The following ESRRB variants were observed in gnomAD, a reference collection of about 807,000 sequenced individuals.
ESRRB encodes the protein steroid hormone receptor ERR2.
ESRRB carries 16 observed loss-of-function variants against 46.0 expected under a neutral mutation model. The observed-to-expected ratio is 0.35, with a 90% CI of 0.24 to 0.53. ESRRB has a LOEUF of 0.53. ESRRB is among the 20% of genes least tolerant of loss of function. The pLI, the probability that ESRRB is intolerant of heterozygous loss-of-function variation, is 0.93. For missense variants in ESRRB, 488 were observed against 607.4 expected, an observed-to-expected ratio of 0.80 and a Z score of 2.07; for synonymous variants, 246 against 259.6, an observed-to-expected ratio of 0.95 and a Z score of 0.50.
chr14:76,398,053 CT>C (rs1345301739), intron 1 of ESRRB, among the ~76,000 whole-genome samples: 7 of 152,210 alleles, frequency 4.6e-5, no homozygotes, highest in Admixed American at 6.5e-5. Flanking sequence ...TATGTCTAGC[CT>C]TTTAAACATG....
chr14:76,485,931 T>C lies in ESRRB; in HGVS notation c.850+3172T>C, dbSNP rs561346985. 8.0e-4 allele frequency among the ~76,000 whole-genome samples: 122 copies of C among 152,298 alleles called. 1 individual carries two copies. Among genetic ancestry groups the C allele is most frequent in the African/African-American group, 2.8e-3 (116 of 41,566 alleles). On this transcript the variant is annotated intron_variant, in intron 5 of 6. Transcript: ENST00000644823. ...ACACATGAGGTCCCCTGATAGGAGT[T>C]GTGGCTGAGACAAGGAATTTATTTT...
intron 3 of ESRRB, among the ~76,000 whole-genome samples, chr14:76,478,914 C>T (rs1490384827): frequency 6.6e-6 from 1 of 152,074 alleles, no homozygotes; most frequent in African/African-American, 2.4e-5. Flanking sequence ...CAAATGTGAG[C>T]CAAAGTGCTA....
At chr14:76,429,568 T>C (rs1887346629) in intron 1 of ESRRB, among the ~76,000 whole-genome samples, 2 of 151,972 alleles carry the variant, frequency 1.3e-5, no homozygotes, top group African/African-American at 2.4e-5. Context: ...CTGACCAACA[T>C]GGAGAAACCC....
At chr14:76,484,480 C>T (rs1419544904) in intron 5 of ESRRB, among the ~76,000 whole-genome samples, 1 of 152,204 alleles carries the variant, frequency 6.6e-6, no homozygotes, top group Non-Finnish European at 1.5e-5. Context: ...AACCCAGGGC[C>T]AAATTGGGTA....
At chr14:76,469,972 G>T (rs1889314740) in intron 3 of ESRRB, among the ~76,000 whole-genome samples, 1 of 102,064 alleles carries the variant, frequency 9.8e-6, no homozygotes. Flanking sequence ...TTTTGAGACA[G>T]AGTCTTGCTC....
chr14:76,358,307 GTC>G (rs1206775342), intron 1 of ESRRB, among the ~76,000 whole-genome samples: 9 of 85,110 alleles, frequency 1.1e-4, no homozygotes, highest in South Asian at 4.2e-4. Flanking sequence ...GCAAGACTCT[GTC>G]TCAAAAAAAA....
intron 1 of ESRRB, among the ~76,000 whole-genome samples, chr14:76,335,122 G>A (rs1884110919): frequency 6.6e-6 from 1 of 152,142 alleles, no homozygotes; most frequent in African/African-American, 2.4e-5. Flanking sequence ...CTGGGTCCTG[G>A]CCCACCCTGT....
In ESRRB at chr14:76,500,219, T is replaced by A. The variant is rs1798234383; in HGVS notation, c.*1761T>A. 1.6e-6 allele frequency: 1 copy of A among 637,648 alleles called. No homozygotes were observed. Among genetic ancestry groups the A allele is most frequent in the Admixed American group, 2.9e-5 (1 of 34,510 alleles). The allele number at this position is 637,648 out of a possible 1,614,324, so 39.5% of individuals were successfully genotyped here. On this transcript the variant is annotated 3_prime_UTR_variant, in exon 7 of 7. Transcript: ENST00000644823. ...TGAAATCCACAAACTGCAGAGCAGC[T>A]CTCTGATGGTGTCCCACACAGAAAA...
Position 76,413,850 on chromosome 14 carries a change from C to A in ESRRB, c.51-25491C>A, listed in dbSNP as rs1460270392. On this transcript the variant is annotated intron_variant, in intron 1 of 6. Transcript: ENST00000644823. ...CGTCCCCCACCCCGTACCATCCTCACCCCTGCACCATCCCCACCCCTGCAC... is the reference window on the plus strand; with the variant it reads ...CGTCCCCCACCCCGTACCATCCTCAACCCTGCACCATCCCCACCCCTGCAC... Among the ~76,000 whole-genome samples, 43 of 141,120 alleles carry A rather than the reference C, an allele frequency of 3.0e-4. No individual in the cohort carries two copies. In the East Asian group the frequency reaches 9.0e-3, roughly 30 times the overall value. The allele number at this position is 141,120 out of a possible 152,430, so 92.6% of individuals were successfully genotyped here. A position where few individuals can be genotyped will look rare whatever the true frequency, so the allele number is the denominator to read the frequency against.
rs753495127 is a variant in ESRRB at position 76,482,012 on chromosome 14, A to G, written c.578-4A>G. 13 of 1,613,466 alleles carry G rather than the reference A, an allele frequency of 8.1e-6. No individual in the cohort carries two copies. Among genetic ancestry groups the G allele is most frequent in the East Asian group, 2.2e-5 (1 of 44,864 alleles). On this transcript the variant is annotated splice_region_variant and splice_polypyrimidine_tract_variant and intron_variant, in intron 3 of 6. Coordinates refer to ENST00000644823, the MANE Select transcript of ESRRB (RefSeq NM_001379180.1). This position sits in a 1 kb window ranked among gnomAD's most constrained non-coding sequence, Gnocchi z 4.3. ...TGAGATCTTTTCCCTTTCCTCCCCA[A>G]TAGGTGTGCGCCTTGATCGAGTGCG...
chr14:76,468,222 A>C (rs1002797321), intron 3 of ESRRB, among the ~76,000 whole-genome samples: 5 of 152,178 alleles, frequency 3.3e-5, no homozygotes, highest in African/African-American at 1.2e-4. Context: ...ATGAAGAAAG[A>C]GCAAGAGAGA....
intron 1 of ESRRB, among the ~76,000 whole-genome samples, chr14:76,348,007 A>G (rs1286049992): frequency 6.6e-6 from 1 of 152,120 alleles, no homozygotes; most frequent in East Asian, 1.9e-4. Context: ...TATGTTTTAA[A>G]CTAAATACCT....
At chr14:76,495,542 T>C (rs925751973) in intron 6 of ESRRB, 1 of 98,718 alleles carries the variant, frequency 1.0e-5, no homozygotes, top group Non-Finnish European at 2.2e-5. Context: ...GGCTGGCTAG[T>C]CTTTTTTTTT....
At chr14:76,322,613 A>G (rs1883880870) in intron 1 of ESRRB, among the ~76,000 whole-genome samples, 1 of 152,172 alleles carries the variant, frequency 6.6e-6, no homozygotes, top group Admixed American at 6.5e-5. Context: ...TGAACCTGGT[A>G]GTCCATCACC....
At position 76,471,645 on chromosome 14, in the gene ESRRB, C is replaced by T. The variant is rs75139448; in HGVS notation, c.577+8984C>T. On this transcript the variant is annotated intron_variant, in intron 3 of 6. Transcript: ENST00000644823. ...CAAAGCTGGCTCCTTCTTATCCTTC[C>T]GACCTCAAGTTAAATGTTATCTTCT... Among the ~76,000 whole-genome samples the T allele has an allele frequency of 2.4e-4, 37 of 152,286 alleles. No individual in the cohort carries two copies. The East Asian group carries it at 4.4e-3, about 18-fold the overall frequency.
intron 1 of ESRRB, among the ~76,000 whole-genome samples, chr14:76,423,047 C>T (rs575292015): frequency 7.8e-4 from 118 of 152,100 alleles, no homozygotes; most frequent in African/African-American, 2.8e-3. Flanking sequence ...ACTAGCCTCT[C>T]TAAGTTGCCA....
chr14:76,430,230 C>T (rs540411127), intron 1 of ESRRB, among the ~76,000 whole-genome samples: 6 of 152,296 alleles, frequency 3.9e-5, no homozygotes, highest in Admixed American at 6.5e-5. Flanking sequence ...TGATTTGTGA[C>T]TCATAAAGCC....
At chr14:76,486,467 TC>T (rs1407159529) in intron 5 of ESRRB, among the ~76,000 whole-genome samples, 5 of 152,054 alleles carry the variant, frequency 3.3e-5, no homozygotes, top group African/African-American at 1.2e-4. Flanking sequence ...TAATTACATC[TC>T]CCTTTATTAC....
At chr14:76,463,854 T>C (rs1306427018) in intron 3 of ESRRB, among the ~76,000 whole-genome samples, 1 of 152,142 alleles carries the variant, frequency 6.6e-6, no homozygotes, top group Non-Finnish European at 1.5e-5. Flanking sequence ...TCTACTGATT[T>C]GCTCCTTTTT....
Sources: gnomAD v4.1 joint callset for allele counts (sites outside exome capture counted in the v4.1 genomes callset) on GRCh38, gnomAD v4.1.1 for gene constraint, Gnocchi (gnomAD v3.1) non-coding constraint, MANE v1.5 for transcripts, NCBI Gene and HGNC (gene_info 2026-07-23, HGNC 2026-07-21) for gene names.